The following FADS1 variants were observed in gnomAD, a reference collection of about 807,000 sequenced individuals.
FADS1 encodes the protein acyl-CoA (8-3)-desaturase.
Under a neutral mutation model 61.6 loss-of-function variants are expected in FADS1, and 17 were observed. The observed-to-expected ratio is 0.28, with a 90% CI of 0.19 to 0.41. The LOEUF is 0.41. Among genes scored for constraint, FADS1 ranks in the 10% least tolerant of loss-of-function variants. The probability of loss-of-function intolerance (pLI) is 1.00; values close to 1 mark genes in which losing one functional copy is unlikely to be tolerated. For synonymous variants in FADS1, 238 were observed against 258.7 expected (o/e 0.92, Z 0.77); for missense variants, 387 against 650.9 (o/e 0.59, Z 4.41).
rs561023668 is a variant in FADS1 at position 61,812,292 on chromosome 11, T to C, written c.684+179A>G. On this transcript the variant is annotated intron_variant, in intron 3 of 11. Transcript: ENST00000350997. Reference sequence around the variant, plus strand: ...GCAGTGAGAGAAATGAAGATGTCCATGTGGCTAAAGAGCAGACAGGTCAAG... The same window carrying C: ...GCAGTGAGAGAAATGAAGATGTCCACGTGGCTAAAGAGCAGACAGGTCAAG... Among the ~76,000 whole-genome samples, 256 of 152,294 alleles carry C rather than the reference T, an allele frequency of 1.7e-3. 1 individual carries two copies. The highest frequency in any genetic ancestry group is 2.8e-3 in the Non-Finnish European group (190 of 68,028).
At chr11:61,804,197 T>C in intron 7 of FADS1, 1 of 221,794 alleles carries the variant, frequency 4.5e-6, no homozygotes. Flanking sequence ...ATTTCCAGCT[T>C]CTCTGCTCAG....
chr11:61,805,008 T>A, intron 6 of FADS1: 1 of 568,252 alleles, frequency 1.8e-6, no homozygotes, highest in Non-Finnish European at 3.1e-6. Context: ...GGGGTGCGAG[T>A]GGCACTCTTC....
rs2066870253 is a variant in FADS1 at position 61,803,284 on chromosome 11, T to C, written c.1248+79A>G. The stretch of plus-strand genomic sequence containing the variant: ...TGAGAAAATGCTGTTTGGGGGACTT[T>C]TTGTTTTTGCTGTTTTCACCTACGC... On this transcript the variant is annotated intron_variant, in intron 9 of 11. Transcript: ENST00000350997. This position sits in a 1 kb window ranked among gnomAD's most constrained non-coding sequence, Gnocchi z 4.3. The C allele has an allele frequency of 4.4e-6, 6 of 1,369,216 alleles. No individual in the cohort carries two copies. The highest frequency in any genetic ancestry group is 1.4e-5 in the African/African-American group (1 of 70,206). 84.8% of individuals were successfully genotyped at this position (1,369,216 alleles called of 1,614,324 possible).
At position 61,810,797 on chromosome 11, in the gene FADS1, T is replaced by C. The variant is rs1266369743; in HGVS notation, c.869A>G (p.Asn290Ser). 1 of 1,614,014 alleles carries C rather than the reference T, an allele frequency of 6.2e-7. No homozygotes were observed. The highest frequency in any genetic ancestry group is 8.5e-7 in the Non-Finnish European group (1 of 1,180,034). The change falls in exon 5 of 12, where the codon AAC becomes AGC. Residue 290 changes from asparagine to serine, a missense_variant. By Grantham distance (46) the Asn-to-Ser change is conservative. Around this residue, in one of 2 missense-constraint regions of FADS1, gnomAD observed 257 missense variants for 533.3 expected, o/e 0.48. Transcript: ENST00000350997. ...CAAGGCAAAGAAGAAGGGATGCATG[T>C]TGATGTCTGGGTCTTTGCGGAAGCA... Reference protein sequence around the residue: ...PNCFRKDPDINMHPFFFALGK... With the variant: ...PNCFRKDPDISMHPFFFALGK...
At chr11:61,807,420 A>G (rs114024330) in intron 5 of FADS1, among the ~76,000 whole-genome samples, 2,847 of 152,290 alleles carry the variant, frequency 0.019, 87 homozygotes, top group African/African-American at 0.064. Context: ...ATCTGCCCCT[A>G]TACAGGTTAA....
Position 61,803,007 on chromosome 11 carries a change from C to T in FADS1, c.1328+25G>A. The stretch of plus-strand genomic sequence containing the variant: ...CAACACTTACACCCTCCCCAGGACC[C>T]TGCTTCCCCAGGCTCCCTACTCACT... On this transcript the variant is annotated intron_variant, in intron 10 of 11. Coordinates refer to ENST00000350997, the MANE Select transcript of FADS1 (RefSeq NM_013402.7). This position sits in a 1 kb window ranked among gnomAD's most constrained non-coding sequence, Gnocchi z 4.3. 1 of 1,614,116 alleles carries T rather than the reference C, an allele frequency of 6.2e-7. No homozygotes were observed. Among genetic ancestry groups the T allele is most frequent in the Non-Finnish European group, 8.5e-7 (1 of 1,179,968 alleles).
chr11:61,803,126 C>T lies in FADS1; in HGVS notation c.1249-15G>A. On this transcript the variant is annotated splice_polypyrimidine_tract_variant and intron_variant, in intron 9 of 11. Coordinates refer to ENST00000350997, the MANE Select transcript of FADS1 (RefSeq NM_013402.7). The surrounding 1 kb of genome is among the most constrained non-coding windows in gnomAD (Gnocchi z 4.3). ...GTGGCCTGGAGCTGGCGGAAAAGGT[C>T]AGGGGAGAGCATGTTGAATATCAGA... is the stretch of plus-strand genomic sequence containing the variant. The T allele has an allele frequency of 6.2e-7, 1 of 1,613,344 alleles. No individual in the cohort carries two copies. The highest frequency in any genetic ancestry group is 8.5e-7 in the Non-Finnish European group (1 of 1,179,410).
At chr11:61,812,697 C>A (rs773747605) in intron 2 of FADS1, 29 bp from the exon 3 acceptor site, 2 of 1,595,776 alleles carry the variant, frequency 1.3e-6, no homozygotes, top group South Asian at 1.1e-5. Context: ...AGCTGTTATT[C>A]TTCTCATCTG....
Position 61,816,604 on chromosome 11 carries a change from T to A in FADS1, c.326A>T (p.His109Leu), listed in dbSNP as rs1013439914. ...GCTGATGACCCGGGAGCCCCCTGGA[T>A]GCCGGCGGGTGAACTCGCTGATGTT... ...VYNISEFTRR[H>L]PGGSRVISHY... The change falls in exon 1 of 12, where the codon CAT becomes CTT. Residue 109 changes from histidine to leucine, a missense_variant. His to Leu is a moderately conservative substitution (Grantham distance 99). Coordinates refer to ENST00000350997, the MANE Select transcript of FADS1 (RefSeq NM_013402.7). This position sits in a 1 kb window ranked among gnomAD's most constrained non-coding sequence, Gnocchi z 7.0. The A allele has an allele frequency of 6.2e-7, 1 of 1,604,776 alleles. No homozygotes were observed. The highest frequency in any genetic ancestry group is 1.7e-5 in the Admixed American group (1 of 58,808).
chr11:61,803,201 C>A lies in FADS1; in HGVS notation c.1249-90G>T. 1 of 1,345,774 alleles carries A rather than the reference C, an allele frequency of 7.4e-7. No individual in the cohort carries two copies. Among genetic ancestry groups the A allele is most frequent in the South Asian group, 1.2e-5 (1 of 83,836 alleles). 83.4% of individuals were successfully genotyped at this position (1,345,774 alleles called of 1,614,324 possible). A position where few individuals can be genotyped will look rare whatever the true frequency, so the allele number is the denominator to read the frequency against. ...CAGGTAAAGCTGGCTGAGGAAGGGA[C>A]ATGAGACTGTCTTGGTCACTCCCTT... On this transcript the variant is annotated intron_variant, in intron 9 of 11. Coordinates refer to ENST00000350997, the MANE Select transcript of FADS1 (RefSeq NM_013402.7). The surrounding 1 kb of genome is among the most constrained non-coding windows in gnomAD (Gnocchi z 4.3).
Position 61,802,732 on chromosome 11 carries a change from A to C in FADS1, c.1454+69T>G. On this transcript the variant is annotated intron_variant, in intron 11 of 11. Transcript: ENST00000350997. This position sits in a 1 kb window ranked among gnomAD's most constrained non-coding sequence, Gnocchi z 4.2. ...ACCTTCTGTTCACTCCCCACCCTAC[A>C]TGTCATCATTTCCATTGCCCTGCCC... is the stretch of plus-strand genomic sequence containing the variant. The C allele has an allele frequency of 6.2e-7, 1 of 1,600,982 alleles. No homozygotes were observed. The highest frequency in any genetic ancestry group is 8.5e-7 in the Non-Finnish European group (1 of 1,170,608).
chr11:61,804,579 C>T, intron 7 of FADS1, 106 bp downstream of exon 7: 3 of 826,444 alleles, frequency 3.6e-6, no homozygotes. Flanking sequence ...TTATTTTGTT[C>T]TAAATTAGGC....
At position 61,802,677 on chromosome 11, in the gene FADS1, T is replaced by C. The variant is rs2066864451; in HGVS notation, c.1454+124A>G. The C allele has an allele frequency of 1.4e-6, 2 of 1,429,080 alleles. No individual in the cohort carries two copies. The highest frequency in any genetic ancestry group is 1.4e-5 in the African/African-American group (1 of 71,392). The allele number at this position is 1,429,080 out of a possible 1,614,324, so 88.5% of individuals were successfully genotyped here. A position where few individuals can be genotyped will look rare whatever the true frequency, so the allele number is the denominator to read the frequency against. On this transcript the variant is annotated intron_variant, in intron 11 of 11. Transcript: ENST00000350997. The surrounding 1 kb of genome is among the most constrained non-coding windows in gnomAD (Gnocchi z 4.2). Reference sequence around the variant, plus strand: ...CCAATAAAGAATCCTGCCTTTGCCATGGTGAACTCCATCCCACACGACTGG... The same window carrying C: ...CCAATAAAGAATCCTGCCTTTGCCACGGTGAACTCCATCCCACACGACTGG...
At position 61,802,090 on chromosome 11, in the gene FADS1, G is replaced by A. The variant is rs899890674; in HGVS notation, c.*321C>T. The A allele has an allele frequency of 3.2e-6, 1 of 313,964 alleles. No individual in the cohort carries two copies. The highest frequency in any genetic ancestry group is 4.0e-5 in the South Asian group (1 of 24,902). 19.4% of individuals were successfully genotyped at this position (313,964 alleles called of 1,614,324 possible). ...AAATCTCTTCCTGACTCTGGGTTCA[G>A]TAGGTCCCTCCTCTTCTGTTACCCT... On this transcript the variant is annotated 3_prime_UTR_variant, in exon 12 of 12. Transcript: ENST00000350997. This position sits in a 1 kb window ranked among gnomAD's most constrained non-coding sequence, Gnocchi z 4.2.
In FADS1 at chr11:61,802,902, G is replaced by T; in HGVS notation, c.1353C>A (p.His451Gln). The change falls in exon 11 of 12, where the codon CAC becomes CAA. Residue 451 changes from histidine to glutamine, a missense_variant. Coordinates refer to ENST00000350997, the MANE Select transcript of FADS1 (RefSeq NM_013402.7). The surrounding 1 kb of genome is among the most constrained non-coding windows in gnomAD (Gnocchi z 4.2). ...EHHLFPTMPR[H>Q]NYHKVAPLVQ... ...CCAGGGGAGCCACTTTGTGGTAATT[G>T]TGTCGAGGCATCGTGGGAAAAAGAC... 1 of 1,614,046 alleles carries T rather than the reference G, an allele frequency of 6.2e-7. No homozygotes were observed. The highest frequency in any genetic ancestry group is 8.5e-7 in the Non-Finnish European group (1 of 1,179,916).
Position 61,803,654 on chromosome 11 carries a change from C to A in FADS1, c.1151+16G>T, listed in dbSNP as rs773863248. ...ATTTCCTTCACCAGTCCCTATCCGC[C>A]CCCACCGAATACTACCTGACTATGA... On this transcript the variant is annotated intron_variant, in intron 8 of 11. Transcript: ENST00000350997. The surrounding 1 kb of genome is among the most constrained non-coding windows in gnomAD (Gnocchi z 4.3). 10 of 1,591,098 alleles carry A rather than the reference C, an allele frequency of 6.3e-6. No homozygotes were observed. In the Admixed American group the frequency reaches 1.5e-4, roughly 24 times the overall value.
chr11:61,816,629 T>C lies in FADS1; in HGVS notation c.301A>G (p.Asn101Asp). The C allele has an allele frequency of 6.2e-7, 1 of 1,604,316 alleles. No individual in the cohort carries two copies. The highest frequency in any genetic ancestry group is 1.1e-5 in the South Asian group (1 of 89,802). The change falls in exon 1 of 12, where the codon AAC (asparagine) becomes GAC (aspartate). Residue 101 changes from asparagine (N) to aspartate (D), a missense_variant. Transcript: ENST00000350997. The surrounding 1 kb of genome is among the most constrained non-coding windows in gnomAD (Gnocchi z 7.0). Reference sequence around the variant, plus strand: ...TGCCGGCGGGTGAACTCGCTGATGTTGTACACCTTACGGTCGATCACTAGC... The same window carrying C: ...TGCCGGCGGGTGAACTCGCTGATGTCGTACACCTTACGGTCGATCACTAGC... ...RWLVIDRKVY[N>D]ISEFTRRHPG...
chr11:61,808,199 G>A (rs1023657680), intron 5 of FADS1, among the ~76,000 whole-genome samples: 1 of 152,162 alleles, frequency 6.6e-6, no homozygotes, highest in Non-Finnish European at 1.5e-5. Flanking sequence ...AGCCAGGCTT[G>A]GTGGTACGCA....
At chr11:61,811,821 C>T (rs1167102796) in intron 3 of FADS1, 2 of 443,136 alleles carry the variant, frequency 4.5e-6, no homozygotes, top group Admixed American at 4.8e-5. Context: ...CTCCTCACCT[C>T]AAATGATCTG....
Sources: gnomAD v4.1 joint callset for allele counts (sites outside exome capture counted in the v4.1 genomes callset) on GRCh38, gnomAD v4.1.1 for gene constraint, gnomAD v4.1.1 regional missense constraint, Gnocchi (gnomAD v3.1) non-coding constraint, MANE v1.5 for transcripts, NCBI Gene and HGNC (gene_info 2026-07-23, HGNC 2026-07-21) for gene names.